Variants in RB1CC1 observed in about 807,000 individuals in gnomAD.
RB1CC1 encodes RB1 inducible coiled-coil 1.
In RB1CC1, 46 loss-of-function variants were observed where a neutral mutation model predicts 177.5. The observed-to-expected ratio is 0.26, with a 90% CI of 0.20 to 0.33. RB1CC1 has a LOEUF of 0.33. Among genes scored for constraint, RB1CC1 ranks in the 10% least tolerant of loss-of-function variants. The pLI is 1.00. For missense variants in RB1CC1, 1,703 were observed against 1,816.3 expected, an observed-to-expected ratio of 0.94 and a Z score of 1.13; for synonymous variants, 666 against 613.6, an observed-to-expected ratio of 1.09 and a Z score of -1.26.
chr8:52,685,284 G>A (rs547213104), intron 3 of RB1CC1, 115 bp downstream of exon 3: 27 of 723,070 alleles, frequency 3.7e-5, no homozygotes, highest in East Asian at 3.0e-4. Flanking sequence ...GATTACAGGC[G>A]TGAGGTACCG....
intron 10 of RB1CC1, 32 bp from the exon 11 acceptor site, chr8:52,661,039 C>A (rs1019153036): frequency 6.2e-7 from 1 of 1,611,574 alleles, no homozygotes; most frequent in Non-Finnish European, 8.5e-7. Context: ...TAAACATAAA[C>A]ATACACCAAT....
At chr8:52,672,367 C>A (rs1442245880) in intron 7 of RB1CC1, among the ~76,000 whole-genome samples, 2 of 152,128 alleles carry the variant, frequency 1.3e-5, no homozygotes. Context: ...AAATTTCACA[C>A]TGAACATGGA....
At chr8:52,672,575 G>A (rs530465795) in intron 7 of RB1CC1, among the ~76,000 whole-genome samples, 37 of 152,154 alleles carry the variant, frequency 2.4e-4, no homozygotes, top group African/African-American at 6.5e-4. Context: ...AGAAGACCCC[G>A]TCTGTGCAAA....
chr8:52,686,547 A>G (rs1024951384), intron 2 of RB1CC1, among the ~76,000 whole-genome samples: 2 of 152,230 alleles, frequency 1.3e-5, no homozygotes, highest in Admixed American at 1.3e-4. Context: ...CCCTATCTCA[A>G]AAGAAAAAGA....
chr8:52,688,138 A>C (rs529050049), intron 1 of RB1CC1, among the ~76,000 whole-genome samples: 1 of 152,312 alleles, frequency 6.6e-6, no homozygotes, highest in East Asian at 1.9e-4. Flanking sequence ...TGATTGTAAA[A>C]CATGTGTGTT....
intron 1 of RB1CC1, among the ~76,000 whole-genome samples, chr8:52,689,667 C>A (rs1317688896): frequency 6.6e-6 from 1 of 152,180 alleles, no homozygotes; most frequent in South Asian, 2.1e-4. Flanking sequence ...TACCCCTCCC[C>A]CAACTTATCA....
At chr8:52,665,392 C>T (rs1054591545) in intron 8 of RB1CC1, among the ~76,000 whole-genome samples, 7 of 152,178 alleles carry the variant, frequency 4.6e-5, no homozygotes, top group African/African-American at 1.7e-4. Flanking sequence ...GGCATTAGAA[C>T]ATTATTAATT....
At chr8:52,707,654 T>C (rs923947511) in intron 1 of RB1CC1, among the ~76,000 whole-genome samples, 2 of 152,020 alleles carry the variant, frequency 1.3e-5, no homozygotes, top group African/African-American at 4.8e-5. Context: ...ACCAAGGTAG[T>C]CAGGCTGCTT....
At position 52,657,185 on chromosome 8, in the gene RB1CC1, T is replaced by C; in HGVS notation, c.2644A>G (p.Ile882Val). The part of the protein sequence containing the change: ...NEYEGKLDGL[I>V]KETEENENKI... ...TTTTCATTCTCTTCAGTTTCCTTTA[T>C]TAGTCCGTCAAGTTTACCTTCATAT... The change falls in exon 15 of 24, where the codon ATA becomes GTA. Residue 882 changes from isoleucine (I) to valine (V), a missense_variant. Ile to Val is a conservative substitution (Grantham distance 29, BLOSUM62 3). Transcript: ENST00000025008. 6.2e-7 allele frequency: 1 copy of C among 1,604,356 alleles called. No individual in the cohort carries two copies. The highest frequency in any genetic ancestry group is 8.5e-7 in the Non-Finnish European group (1 of 1,172,228).
intron 1 of RB1CC1, among the ~76,000 whole-genome samples, chr8:52,709,775 C>T (rs1856903353): frequency 6.6e-6 from 1 of 152,220 alleles, no homozygotes; most frequent in South Asian, 2.1e-4. Context: ...ACAGAATTCG[C>T]TTCCTTATAT....
intron 5 of RB1CC1, among the ~76,000 whole-genome samples, chr8:52,682,755 TA>T: frequency 6.6e-6 from 1 of 152,328 alleles, no homozygotes; most frequent in South Asian, 2.1e-4. Context: ...TACATAAGTA[TA>T]TTTTTTAAAA....
intron 22 of RB1CC1, among the ~76,000 whole-genome samples, chr8:52,625,137 A>C (rs999927138): frequency 6.6e-6 from 1 of 152,182 alleles, no homozygotes; most frequent in African/African-American, 2.4e-5. Flanking sequence ...AAGAACTAAT[A>C]AAGATGACCT....
rs143183748 is a variant in RB1CC1 at position 52,679,395 on chromosome 8, A to G, written c.370-2824T>C. On this transcript the variant is annotated intron_variant, in intron 5 of 23. Coordinates refer to ENST00000025008, the MANE Select transcript of RB1CC1 (RefSeq NM_014781.5). ...CTCTGCTGACCTGAAACAAAGGCCT[A>G]TCTGCTTCCTCTGTCTTACTGTTTA... Among the ~76,000 whole-genome samples, 127 of 152,314 alleles carry G rather than the reference A, an allele frequency of 8.3e-4. 1 individual carries two copies. Among genetic ancestry groups the G allele is most frequent in the Middle Eastern group, 6.8e-3 (2 of 294 alleles).
chr8:52,702,890 T>C (rs1049065517), intron 1 of RB1CC1, among the ~76,000 whole-genome samples: 24 of 152,126 alleles, frequency 1.6e-4, no homozygotes, highest in African/African-American at 5.8e-4. Flanking sequence ...CAAAATGTTC[T>C]CTAGGGACAG....
chr8:52,707,406 T>C (rs1412098206), intron 1 of RB1CC1, among the ~76,000 whole-genome samples: 1 of 151,394 alleles, frequency 6.6e-6, no homozygotes, highest in Non-Finnish European at 1.5e-5. Flanking sequence ...AAACTTCAGT[T>C]ATTTTTCTTT....
chr8:52,661,632 TC>T lies in RB1CC1; in HGVS notation c.1260del (p.Met421Ter), dbSNP rs1329629704. On this transcript the variant is annotated frameshift_variant, in exon 9 of 24. Transcript: ENST00000025008. LOFTEE classifies it high-confidence loss of function. ...PDLCLSHANQLMIMLQNHRKL... is the reference protein window; with the variant it reads ...PDLCLSHANQXMIMLQNHRKL... ...TTTCTATGATTTTGCAACATAATCA[TC>T]AACTGATTTGCGTGACTCAGGCATA... 1 of 1,612,912 alleles carries T rather than the reference TC, an allele frequency of 6.2e-7. No individual in the cohort carries two copies. Among genetic ancestry groups the T allele is most frequent in the African/African-American group, 1.3e-5 (1 of 74,890 alleles).
At chr8:52,637,961 G>A (rs889660768) in intron 18 of RB1CC1, among the ~76,000 whole-genome samples, 2 of 152,150 alleles carry the variant, frequency 1.3e-5, no homozygotes, top group African/African-American at 4.8e-5. Context: ...ATGAGCCACT[G>A]CGCCTGGCCA....
At chr8:52,681,994 G>C (rs960158348) in intron 5 of RB1CC1, among the ~76,000 whole-genome samples, 1 of 152,098 alleles carries the variant, frequency 6.6e-6, no homozygotes, top group African/African-American at 2.4e-5. Context: ...CTGAGAAGAG[G>C]GTCACGGTCC....
chr8:52,670,222 C>T (rs1852440084), intron 7 of RB1CC1, among the ~76,000 whole-genome samples: 2 of 152,140 alleles, frequency 1.3e-5, no homozygotes, highest in African/African-American at 2.4e-5. Flanking sequence ...CATGAGTCAC[C>T]GTGCCCAGCT....
Sources: gnomAD v4.1 joint callset for allele counts (sites outside exome capture counted in the v4.1 genomes callset) on GRCh38, gnomAD v4.1.1 for gene constraint, MANE v1.5 for transcripts, NCBI Gene and HGNC (gene_info 2026-07-23, HGNC 2026-07-21) for gene names.